Variants in FARP1 observed in about 807,000 individuals in gnomAD.
The protein encoded by FARP1 is FERM, ARH/RhoGEF and pleckstrin domain protein 1, also known as FERM, ARHGEF and pleckstrin domain-containing protein 1.
FARP1 carries 52 observed loss-of-function variants against 128.8 expected under a neutral mutation model. That is an observed-to-expected ratio of 0.40 (90% CI 0.32 to 0.51). The LOEUF is 0.51. Ranked by LOEUF, FARP1 falls within the 20% of genes least tolerant of loss-of-function variation. The pLI is 0.45. For synonymous variants in FARP1, 580 were observed against 551.8 expected, an observed-to-expected ratio of 1.05 and a Z score of -0.72; for missense variants, 1,333 against 1,367.9, an observed-to-expected ratio of 0.97 and a Z score of 0.40.
intron 2 of FARP1, among the ~76,000 whole-genome samples, chr13:98,242,151 A>G (rs993902680): frequency 3.3e-5 from 5 of 152,026 alleles, no homozygotes; most frequent in South Asian, 4.1e-4. Flanking sequence ...AACACAACCT[A>G]TGTTTAGATG....
chr13:98,374,696 A>G (rs1408224377), intron 5 of FARP1, among the ~76,000 whole-genome samples: 1 of 152,188 alleles, frequency 6.6e-6, no homozygotes, highest in African/African-American at 2.4e-5. Context: ...CTATGCTGCT[A>G]TAAAGGAATA....
chr13:98,403,020 TTC>T (rs1313073252), intron 13 of FARP1: 3 of 152,168 alleles, frequency 2.0e-5, no homozygotes, highest in African/African-American at 7.2e-5. Context: ...GTTTTCAGCG[TTC>T]TGTCTTTACC....
At chr13:98,184,862 T>C (rs1878757571) in intron 1 of FARP1, among the ~76,000 whole-genome samples, 1 of 152,240 alleles carries the variant, frequency 6.6e-6, no homozygotes, top group Admixed American at 6.5e-5. Context: ...TACATAATTT[T>C]ATTGACAAGA....
intron 8 of FARP1, among the ~76,000 whole-genome samples, chr13:98,387,474 G>A (rs1890138298): frequency 1.3e-5 from 2 of 152,226 alleles, no homozygotes; most frequent in Non-Finnish European, 2.9e-5. Flanking sequence ...CCTGGGTAAT[G>A]TAGTCACGTG....
At chr13:98,173,861 G>T (rs912017) in intron 1 of FARP1, among the ~76,000 whole-genome samples, 36,892 of 152,066 alleles carry the variant, frequency 0.24, 4,643 homozygotes, top group Middle Eastern at 0.35. Context: ...TCCCCAGCAG[G>T]GTGCTGTGTA....
chr13:98,306,989 T>G (rs1252454302), intron 2 of FARP1, among the ~76,000 whole-genome samples: 7 of 145,716 alleles, frequency 4.8e-5, no homozygotes, highest in Admixed American at 4.7e-4. Context: ...ATTGTCCCCA[T>G]TACAAACGAA....
intron 2 of FARP1, among the ~76,000 whole-genome samples, chr13:98,308,968 A>G (rs1886316475): frequency 6.6e-6 from 1 of 152,140 alleles, no homozygotes; most frequent in Non-Finnish European, 1.5e-5. Flanking sequence ...GGCGTGAGCC[A>G]CTATGCCCGG....
intron 1 of FARP1, among the ~76,000 whole-genome samples, 177 bp downstream of exon 1, chr13:98,143,669 C>T (rs1471169750): frequency 1.3e-5 from 2 of 151,246 alleles, no homozygotes; most frequent in Non-Finnish European, 3.0e-5. Context: ...GCGGGTCGGG[C>T]CCGGGCAGCC....
At chr13:98,283,528 G>A (rs369656985) in intron 2 of FARP1, among the ~76,000 whole-genome samples, 37 of 152,208 alleles carry the variant, frequency 2.4e-4, no homozygotes, top group African/African-American at 8.9e-4. Context: ...GGGTGTTCTG[G>A]CGTTCTAAGA....
At chr13:98,271,632 G>T (rs1325031770) in intron 2 of FARP1, among the ~76,000 whole-genome samples, 8 of 152,032 alleles carry the variant, frequency 5.3e-5, no homozygotes, top group Non-Finnish European at 1.0e-4. Flanking sequence ...TCATTGTTCA[G>T]CTCCCACTTA....
At chr13:98,403,853 C>A (rs1484770657) in intron 13 of FARP1, 1 of 152,218 alleles carries the variant, frequency 6.6e-6, no homozygotes, top group Admixed American at 6.5e-5. Flanking sequence ...ACTGAAGGGG[C>A]TTTTACTTGT....
intron 2 of FARP1, among the ~76,000 whole-genome samples, chr13:98,275,882 A>G (rs1884632954): frequency 6.6e-6 from 1 of 152,212 alleles, no homozygotes; most frequent in Non-Finnish European, 1.5e-5. Flanking sequence ...CTTTTCATGC[A>G]TTGATTTCTT....
chr13:98,176,272 T>A lies in FARP1; in HGVS notation c.-24+32780T>A. 6.2e-7 allele frequency: 1 copy of A among 1,611,880 alleles called. No individual in the cohort carries two copies. Among genetic ancestry groups the A allele is most frequent in the Non-Finnish European group, 8.5e-7 (1 of 1,178,516 alleles). On this transcript the variant is annotated intron_variant, in intron 1 of 26. Transcript: ENST00000319562. This position sits in a 1 kb window ranked among gnomAD's most constrained non-coding sequence, Gnocchi z 6.2. Reference sequence around the variant, plus strand: ...ATGGGGGTCTTCTGTGAAATGGGACTTGCCCCCACCTTCTGCAGCCTGAAG... The same window carrying A: ...ATGGGGGTCTTCTGTGAAATGGGACATGCCCCCACCTTCTGCAGCCTGAAG...
chr13:98,372,620 A>G (rs1402351174), intron 5 of FARP1, among the ~76,000 whole-genome samples: 1 of 152,148 alleles, frequency 6.6e-6, no homozygotes, highest in Non-Finnish European at 1.5e-5. Context: ...GCTTATATGT[A>G]ATAAGAAAAG....
chr13:98,323,696 G>C (rs1887106125), intron 2 of FARP1, among the ~76,000 whole-genome samples: 1 of 151,342 alleles, frequency 6.6e-6, no homozygotes, highest in Admixed American at 6.6e-5. Flanking sequence ...TTTTAAAGGA[G>C]AGCAGAAAGA....
chr13:98,314,138 C>T (rs115036670), intron 2 of FARP1, among the ~76,000 whole-genome samples: 2,727 of 152,172 alleles, frequency 0.018, 90 homozygotes, highest in African/African-American at 0.063. Context: ...CTAGATCTTA[C>T]GTCAGTGTTT....
intron 2 of FARP1, among the ~76,000 whole-genome samples, chr13:98,270,540 C>T (rs1051444466): frequency 2.6e-5 from 4 of 152,122 alleles, no homozygotes; most frequent in East Asian, 1.9e-4. Flanking sequence ...ATCCTGAGGA[C>T]GCAGCTCCCT....
In FARP1 at chr13:98,296,515, C is replaced by CG. The variant is rs66939284; in HGVS notation, c.172-47247_172-47246insG. On this transcript the variant is annotated intron_variant, in intron 2 of 26. Coordinates refer to ENST00000319562, the MANE Select transcript of FARP1 (RefSeq NM_005766.4). ...TTTCCATGATCTGTGAAGACAGGGA[C>CG]CCCCCGCTCTTCATGCACATCCTCC... 9.7e-3 allele frequency among the ~76,000 whole-genome samples: 169 copies of CG among 17,362 alleles called. No individual in the cohort carries two copies. The African/African-American group carries it at 0.11, about 11-fold the overall frequency. 11.4% of individuals were successfully genotyped at this position (17,362 alleles called of 152,430 possible).
intron 2 of FARP1, among the ~76,000 whole-genome samples, chr13:98,295,045 TTA>T (rs1491492268): frequency 9.5e-6 from 1 of 105,770 alleles, no homozygotes; most frequent in East Asian, 2.5e-4. Flanking sequence ...TATATATATA[TTA>T]CACACACACA....
Sources: allele counts gnomAD v4.1 joint callset (sites outside exome capture counted in the v4.1 genomes callset), GRCh38; gene constraint gnomAD v4.1.1; non-coding constraint Gnocchi (gnomAD v3.1); transcripts MANE v1.5; gene names NCBI Gene and HGNC (gene_info 2026-07-23, HGNC 2026-07-21).